SLC6A13: variants seen among roughly 807,000 people sequenced by gnomAD.
The protein encoded by SLC6A13 is sodium- and chloride-dependent GABA transporter 2.
Under a neutral mutation model 72.9 loss-of-function variants are expected in SLC6A13, and 69 were observed. The ratio of observed to expected loss-of-function variants is 0.95; its 90% CI spans 0.78 to 1.16. SLC6A13 has a LOEUF of 1.16. Ranked by LOEUF, SLC6A13 falls within the 50% of genes most tolerant of loss-of-function variation. The probability of loss-of-function intolerance (pLI) is 0.00; values close to 1 mark genes in which losing one functional copy is unlikely to be tolerated. For synonymous variants in SLC6A13, 303 were observed against 303.0 expected, an observed-to-expected ratio of 1.00 and a Z score of 0.00; for missense variants, 735 against 760.5, an observed-to-expected ratio of 0.97 and a Z score of 0.39.
chr12:262,719 C>T (rs981772816), intron 1 of SLC6A13, 70 bp downstream of exon 1: 2 of 984,402 alleles, frequency 2.0e-6, no homozygotes, highest in African/African-American at 3.5e-5. Flanking sequence ...GGTTGTAAGT[C>T]CCATGGATCC....
At chr12:232,928 CA>C (rs1261703755) in intron 7 of SLC6A13, among the ~76,000 whole-genome samples, 6 of 152,240 alleles carry the variant, frequency 3.9e-5, no homozygotes, top group South Asian at 2.1e-4. Flanking sequence ...CATTCTGCCC[CA>C]GGGGGAGTCA....
At position 242,692 on chromosome 12, in the gene SLC6A13, C is replaced by T. The variant is rs761398791; in HGVS notation, c.400G>A (p.Ala134Thr). The part of the protein sequence containing the change: ...LLNVYYIIVL[A>T]WALFYLFSSF... ...CTGAAGAGGTAGAACAGGGCCCAGG[C>T]CAACACAATGATGTAGTAGACGTTG... The change falls in exon 4 of 15, where the codon GCC becomes ACC. Residue 134 changes from alanine (A) to threonine (T), a missense_variant. Coordinates refer to ENST00000343164, the MANE Select transcript of SLC6A13 (RefSeq NM_016615.5). The T allele has an allele frequency of 6.2e-7, 1 of 1,611,110 alleles. No homozygotes were observed. The highest frequency in any genetic ancestry group is 2.2e-5 in the East Asian group (1 of 44,836).
At chr12:223,298 A>G (rs890125138) in intron 11 of SLC6A13, 64 bp from the exon 12 acceptor site, 10 of 1,055,068 alleles carry the variant, frequency 9.5e-6, no homozygotes, top group Non-Finnish European at 1.4e-5. Context: ...ATTCACTCCT[A>G]TGCCCTTTAG....
Position 222,624 on chromosome 12 carries a change from G to A in SLC6A13, c.1423C>T (p.Arg475Cys), listed in dbSNP as rs144389034. ...ATGTCTTCGATGTTGTCGTAGAAGC[G>A]CTTGGCTCCTACCATGGAGAAAAGA... The part of the protein sequence containing the change: ...LCVAWVYGAK[R>C]FYDNIEDMIG... The change falls in exon 13 of 15, where the codon CGC becomes TGC. Residue 475 changes from arginine (R) to cysteine (C), a missense_variant. Arg to Cys is a radical substitution (Grantham distance 180). Coordinates refer to ENST00000343164, the MANE Select transcript of SLC6A13 (RefSeq NM_016615.5). 34 of 1,601,288 alleles carry A rather than the reference G, an allele frequency of 2.1e-5. No individual in the cohort carries two copies. Among genetic ancestry groups the A allele is most frequent in the South Asian group, 8.9e-5 (8 of 89,456 alleles).
intron 6 of SLC6A13, 67 bp downstream of exon 6, chr12:237,091 C>T (rs1483000598): frequency 6.3e-7 from 1 of 1,578,446 alleles, no homozygotes; most frequent in South Asian, 1.1e-5. Context: ...TAGAGAACTC[C>T]TGGGTGACAG....
chr12:237,634 T>C (rs1264969700), intron 5 of SLC6A13, among the ~76,000 whole-genome samples: 1 of 152,058 alleles, frequency 6.6e-6, no homozygotes, highest in African/African-American at 2.4e-5. Flanking sequence ...GTCCACACTC[T>C]TGCAGCCACA....
Position 227,609 on chromosome 12 carries a change from C to G in SLC6A13, c.891G>C (p.Leu297=), listed in dbSNP as rs779041425. Residue 297 remains leucine, a synonymous_variant, in exon 8 of 15, where the codon CTG becomes CTC. Transcript: ENST00000343164. ...ACTTGTTGTAGCTGCCCAGGGCTGT[C>G]AGGCACCCAAGACAGATGGCGAAGG... The part of the protein sequence containing the change: ...FFSFAICLGC[L]TALGSYNKYH... 1.2e-6 allele frequency: 2 copies of G among 1,613,934 alleles called. No homozygotes were observed. The highest frequency in any genetic ancestry group is 2.2e-5 in the South Asian group (2 of 91,066).
Position 248,601 on chromosome 12 carries a change from C to T in SLC6A13, c.203-4788G>A, listed in dbSNP as rs895348639. Among the ~76,000 whole-genome samples the T allele has an allele frequency of 1.7e-4, 26 of 152,204 alleles. 1 individual carries two copies. The highest frequency in any genetic ancestry group is 6.3e-4 in the African/African-American group (26 of 41,506). On this transcript the variant is annotated intron_variant, in intron 2 of 14. Coordinates refer to ENST00000343164, the MANE Select transcript of SLC6A13 (RefSeq NM_016615.5). ...AATCAGTATTTCAAGTGCATATTCACCTAATGACAGAGCTTCAAAATGCAC... is the reference window on the plus strand; with the variant it reads ...AATCAGTATTTCAAGTGCATATTCATCTAATGACAGAGCTTCAAAATGCAC...
intron 2 of SLC6A13, among the ~76,000 whole-genome samples, chr12:247,997 G>T (rs954498361): frequency 6.6e-6 from 1 of 151,564 alleles, no homozygotes; most frequent in Non-Finnish European, 1.5e-5. Context: ...AGCTAACAAT[G>T]GAATAAGAAA....
intron 2 of SLC6A13, among the ~76,000 whole-genome samples, chr12:246,159 A>T (rs190528154): frequency 1.1e-4 from 16 of 144,244 alleles, no homozygotes; most frequent in Admixed American, 1.0e-3. Flanking sequence ...AAATAAATAA[A>T]ATACAAAAAT....
At chr12:244,692 CAA>C (rs937295333) in intron 2 of SLC6A13, among the ~76,000 whole-genome samples, 119 of 142,252 alleles carry the variant, frequency 8.4e-4, no homozygotes, top group Non-Finnish European at 1.1e-3. Flanking sequence ...AGACCCTGTC[CAA>C]AAAAAAAAAG....
chr12:254,973 C>T lies in SLC6A13; in HGVS notation c.202+4878G>A, dbSNP rs569207163. Among the ~76,000 whole-genome samples, 20 of 152,098 alleles carry T rather than the reference C, an allele frequency of 1.3e-4. No homozygotes were observed. Among genetic ancestry groups the T allele is most frequent in the African/African-American group, 4.3e-4 (18 of 41,478 alleles). On this transcript the variant is annotated intron_variant, in intron 2 of 14. Transcript: ENST00000343164. This position sits in a 1 kb window ranked among gnomAD's most constrained non-coding sequence, Gnocchi z 4.4. ...ACCAGCCTGGCCAACATGGCGAAAC[C>T]CCCTCTCTATTAAAAACAACAACAA...
At chr12:259,292 T>C (rs1384465169) in intron 2 of SLC6A13, 2 of 992,078 alleles carry the variant, frequency 2.0e-6, no homozygotes, top group African/African-American at 3.6e-5. Context: ...AGTTTGGTTA[T>C]CAACGTCATC....
At chr12:247,209 A>G (rs77123890) in intron 2 of SLC6A13, among the ~76,000 whole-genome samples, 5,441 of 151,970 alleles carry the variant, frequency 0.036, 252 homozygotes, top group African/African-American at 0.11. Flanking sequence ...CTATAAACCT[A>G]TAGATCCAAA....
intron 2 of SLC6A13, among the ~76,000 whole-genome samples, chr12:247,962 G>T (rs1285522566): frequency 6.6e-6 from 1 of 151,542 alleles, no homozygotes; most frequent in African/African-American, 2.4e-5. Flanking sequence ...CAAAGTTACA[G>T]CTAATAAGCC....
At chr12:226,258 C>A in intron 9 of SLC6A13, 132 bp downstream of exon 9, 1 of 1,086,526 alleles carries the variant, frequency 9.2e-7, no homozygotes, top group Non-Finnish European at 1.4e-6. Context: ...CAAGTCTTCC[C>A]AGAACGCATC....
chr12:231,515 A>C (rs982950402), intron 7 of SLC6A13, among the ~76,000 whole-genome samples: 8 of 152,110 alleles, frequency 5.3e-5, no homozygotes, highest in African/African-American at 1.9e-4. Flanking sequence ...CACTGACAAC[A>C]AAGGCCTAGC....
rs780216436 is a variant in SLC6A13, at chr12:227,553, G to A, written c.935+12C>T. 32 of 1,613,512 alleles carry A rather than the reference G, an allele frequency of 2.0e-5. 1 individual carries two copies. In the East Asian group the frequency reaches 2.0e-4, roughly 10 times the overall value. ...TGCAGGTGTGTGGCTCAGGCCCCAC[G>A]CCCCCAATCACCTGTAGCAGTTGTT... On this transcript the variant is annotated intron_variant, in intron 8 of 14. Coordinates refer to ENST00000343164, the MANE Select transcript of SLC6A13 (RefSeq NM_016615.5).
chr12:255,653 G>A (rs1370610360), intron 2 of SLC6A13, among the ~76,000 whole-genome samples: 3 of 152,220 alleles, frequency 2.0e-5, no homozygotes, highest in Middle Eastern at 3.2e-3. Flanking sequence ...CTGAGATTAC[G>A]CCACTGCACT....
Sources: gnomAD v4.1 joint callset for allele counts (sites outside exome capture counted in the v4.1 genomes callset) on GRCh38, gnomAD v4.1.1 for gene constraint, Gnocchi (gnomAD v3.1) non-coding constraint, MANE v1.5 for transcripts, NCBI Gene and HGNC (gene_info 2026-07-23, HGNC 2026-07-21) for gene names.